Variants in PLCE1 observed in about 807,000 individuals in gnomAD.
The protein encoded by PLCE1 is phospholipase C epsilon 1.
Under a neutral mutation model 242.8 loss-of-function variants are expected in PLCE1, and 119 were observed. That is an observed-to-expected ratio of 0.49 (90% confidence interval 0.42 to 0.57). The LOEUF (loss-of-function observed/expected upper bound fraction) is 0.57, where lower values mean the gene tolerates loss of function less well. Ranked by LOEUF, PLCE1 falls within the 20% of genes least tolerant of loss-of-function variation. The pLI is 0.00. For synonymous variants in PLCE1, 945 were observed against 1,017.4 expected (o/e 0.93, Z 1.35); for missense variants, 2,441 against 2,788.8 (o/e 0.88, Z 2.81).
chr10:94,219,854 G>C (rs1159843823), intron 4 of PLCE1, among the ~76,000 whole-genome samples: 1 of 152,136 alleles, frequency 6.6e-6, no homozygotes, highest in Non-Finnish European at 1.5e-5. Flanking sequence ...TTTAGAGTTT[G>C]TTCTGAAGAC....
intron 3 of PLCE1, among the ~76,000 whole-genome samples, chr10:94,148,068 TGGG>T (rs1274443662): frequency 6.6e-6 from 1 of 152,188 alleles, no homozygotes; most frequent in Non-Finnish European, 1.5e-5. Context: ...CTGCATGATC[TGGG>T]GCAAGTTACT....
intron 4 of PLCE1, among the ~76,000 whole-genome samples, chr10:94,212,196 C>G (rs1208894892): frequency 4.6e-5 from 7 of 152,196 alleles, no homozygotes; most frequent in Non-Finnish European, 1.0e-4. Context: ...AAACGATTCT[C>G]CTGCCTCAGC....
At chr10:94,146,182 A>G (rs1183935605) in intron 3 of PLCE1, among the ~76,000 whole-genome samples, 3 of 152,154 alleles carry the variant, frequency 2.0e-5, no homozygotes, top group Admixed American at 1.3e-4. Flanking sequence ...AGTGGCACTT[A>G]CAAACCTGAA....
At position 94,298,776 on chromosome 10, in the gene PLCE1, T is replaced by C. The variant is rs975552687; in HGVS notation, c.5458+107T>C. On this transcript the variant is annotated intron_variant, in intron 24 of 32. Transcript: ENST00000371380. The surrounding 1 kb of genome is among the most constrained non-coding windows in gnomAD (Gnocchi z 5.2). ...CAAGATTCCAGACTGGGGCACACCA[T>C]ATGTGAGAGTAAAAATATGATGATG... 9.3e-7 allele frequency: 1 copy of C among 1,070,408 alleles called. No homozygotes were observed. The highest frequency in any genetic ancestry group is 1.4e-6 in the Non-Finnish European group (1 of 693,756). The allele number at this position is 1,070,408 out of a possible 1,614,324, so 66.3% of individuals were successfully genotyped here. A position where few individuals can be genotyped will look rare whatever the true frequency, so the allele number is the denominator to read the frequency against.
At chr10:94,269,156 G>A (rs1292158723) in intron 17 of PLCE1, 120 bp downstream of exon 17, 1 of 580,260 alleles carries the variant, frequency 1.7e-6, no homozygotes, top group Non-Finnish European at 3.0e-6. Flanking sequence ...GGCTGGAGTA[G>A]AGTGGTACCA....
intron 32 of PLCE1, among the ~76,000 whole-genome samples, chr10:94,326,782 A>G (rs1285609155): frequency 6.6e-6 from 1 of 152,252 alleles, no homozygotes; most frequent in African/African-American, 2.4e-5. Context: ...TTTTCTGACC[A>G]ATGGATTCAC....
intron 2 of PLCE1, among the ~76,000 whole-genome samples, chr10:94,073,058 G>A (rs2044405402): frequency 6.6e-6 from 1 of 151,844 alleles, no homozygotes. Flanking sequence ...CCTACCCCAG[G>A]GCACACCAGT....
intron 22 of PLCE1, among the ~76,000 whole-genome samples, chr10:94,290,690 TAAAAAA>T (rs969405461): frequency 1.3e-5 from 2 of 150,864 alleles, no homozygotes; most frequent in Admixed American, 1.3e-4. Flanking sequence ...ATATGTAACT[TAAAAAA>T]AAGTATATAT....
intron 3 of PLCE1, among the ~76,000 whole-genome samples, chr10:94,158,166 AC>A (rs1166988178): frequency 6.6e-6 from 1 of 152,208 alleles, no homozygotes; most frequent in Non-Finnish European, 1.5e-5. Flanking sequence ...AGGTTAGCTC[AC>A]CCAGGTCAGA....
intron 2 of PLCE1, among the ~76,000 whole-genome samples, chr10:94,057,651 C>T (rs1231871948): frequency 6.6e-6 from 1 of 152,180 alleles, no homozygotes; most frequent in Non-Finnish European, 1.5e-5. Flanking sequence ...CTAAAGAGAA[C>T]TTAACAAAAA....
At chr10:94,296,654 T>G (rs1346113097) in intron 23 of PLCE1, among the ~76,000 whole-genome samples, 1 of 152,170 alleles carries the variant, frequency 6.6e-6, no homozygotes, top group African/African-American at 2.4e-5. Flanking sequence ...TAATCTTCTA[T>G]CCAGACCACT....
chr10:93,997,632 CTTT>C (rs34338995), intron 1 of PLCE1, among the ~76,000 whole-genome samples: 1,029 of 79,872 alleles, frequency 0.013, 6 homozygotes, highest in African/African-American at 0.024. Context: ...AATAACCATC[CTTT>C]TTTTTTTTTT....
intron 1 of PLCE1, among the ~76,000 whole-genome samples, chr10:94,021,788 G>A (rs1589866686): frequency 4.6e-5 from 7 of 152,020 alleles, no homozygotes. Context: ...TATAGTTCAC[G>A]ATGTTAACCT....
At chr10:94,279,485 C>A in intron 19 of PLCE1, 1 of 430,756 alleles carries the variant, frequency 2.3e-6, no homozygotes. Context: ...TTCTCCAAAT[C>A]ACCAAAGCTT....
At chr10:94,307,428 T>A (rs1431901316) in intron 26 of PLCE1, among the ~76,000 whole-genome samples, 1 of 152,222 alleles carries the variant, frequency 6.6e-6, no homozygotes, top group Non-Finnish European at 1.5e-5. Flanking sequence ...CACAAACACA[T>A]TACAGTTTCC....
rs771364821 is a variant in PLCE1 at position 94,252,329 on chromosome 10, A to T, written c.3110A>T (p.Tyr1037Phe). Residue 1037 changes from tyrosine (Y) to phenylalanine (F), a missense_variant, in exon 9 of 33, where the codon TAT (tyrosine) becomes TTT (phenylalanine). Transcript: ENST00000371380. The part of the protein sequence containing the change: ...YVSLYQEDGR[Y>F]EGPTLAHAVE... ...GCTCTTTCACAGGAGGATGGACGGT[A>T]TGAAGGCCCAACTTTGGCTCACGCT... is the stretch of plus-strand genomic sequence containing the variant. 21 of 1,613,944 alleles carry T rather than the reference A, an allele frequency of 1.3e-5. No homozygotes were observed. Among genetic ancestry groups the T allele is most frequent in the Non-Finnish European group, 1.8e-5 (21 of 1,179,972 alleles).
intron 3 of PLCE1, among the ~76,000 whole-genome samples, chr10:94,160,189 G>A (rs564039198): frequency 3.9e-5 from 6 of 152,214 alleles, no homozygotes; most frequent in African/African-American, 1.2e-4. Context: ...CTGAGGAATC[G>A]CCACACTAAC....
chr10:94,257,622 G>C (rs548318936), intron 11 of PLCE1, among the ~76,000 whole-genome samples: 1 of 152,268 alleles, frequency 6.6e-6, no homozygotes, highest in East Asian at 1.9e-4. Context: ...TCCTTTGTGG[G>C]GACATAGATG....
chr10:94,321,402 T>C (rs7078986), intron 29 of PLCE1, among the ~76,000 whole-genome samples: 2,557 of 152,288 alleles, frequency 0.017, 96 homozygotes, highest in African/African-American at 0.059. Flanking sequence ...GGGAGGCCGA[T>C]GCAGGTGGAT....
Sources: allele counts gnomAD v4.1 joint callset (sites outside exome capture counted in the v4.1 genomes callset), GRCh38; gene constraint gnomAD v4.1.1; non-coding constraint Gnocchi (gnomAD v3.1); transcripts MANE v1.5; gene names NCBI Gene and HGNC (gene_info 2026-07-23, HGNC 2026-07-21).